The following KIAA1614 variants were observed in gnomAD, a reference collection of about 807,000 sequenced individuals.
The protein encoded by KIAA1614 is KIAA1614.
A neutral mutation model predicts 88.7 loss-of-function variants in KIAA1614; 76 were observed. The observed-to-expected ratio is 0.86, with a 90% CI of 0.71 to 1.04. The LOEUF (loss-of-function observed/expected upper bound fraction) is 1.04. KIAA1614 is among the 50% of genes least tolerant of loss of function. KIAA1614 has a pLI of 0.00. For synonymous variants in KIAA1614, 714 were observed against 675.5 expected, an observed-to-expected ratio of 1.06 and a Z score of -0.88; for missense variants, 1,553 against 1,582.5, an observed-to-expected ratio of 0.98 and a Z score of 0.32.
Position 180,950,563 on chromosome 1 carries a change from G to A in KIAA1614, c.*4975G>A, listed in dbSNP as rs1047237466. On this transcript the variant is annotated 3_prime_UTR_variant, in exon 9 of 9. Coordinates refer to ENST00000367588, the MANE Select transcript of KIAA1614 (RefSeq NM_020950.2). ...GAAGTGCCGCTGCCCTCACTGTCAC[G>A]GCCTCGGAAGCCCTGAAGCACTCAG... 12 of 1,076,244 alleles carry A rather than the reference G, an allele frequency of 1.1e-5. No individual in the cohort carries two copies. Among genetic ancestry groups the A allele is most frequent in the African/African-American group, 1.0e-4 (6 of 58,222 alleles). The allele number at this position is 1,076,244 out of a possible 1,614,324, so 66.7% of individuals were successfully genotyped here.
intron 4 of KIAA1614, among the ~76,000 whole-genome samples, chr1:180,933,993 G>T (rs545095203): frequency 6.6e-6 from 1 of 152,222 alleles, no homozygotes; most frequent in Non-Finnish European, 1.5e-5. Context: ...GGTGGCTCAC[G>T]CCTGTAATCC....
intron 2 of KIAA1614, among the ~76,000 whole-genome samples, chr1:180,917,538 A>G (rs1653847037): frequency 6.6e-6 from 1 of 152,036 alleles, no homozygotes; most frequent in South Asian, 2.1e-4. Flanking sequence ...CTCAGACGGT[A>G]GCACCAATGG....
chr1:180,944,555 G>C (rs748826416), intron 8 of KIAA1614, 39 bp downstream of exon 8: 2 of 1,602,506 alleles, frequency 1.2e-6, no homozygotes, highest in South Asian at 1.1e-5. Flanking sequence ...TAAACTCAGA[G>C]AGTGACCAGC....
chr1:180,936,422 A>G lies in KIAA1614; in HGVS notation c.2513A>G (p.Glu838Gly). 1 of 1,614,146 alleles carries G rather than the reference A, an allele frequency of 6.2e-7. No homozygotes were observed. The highest frequency in any genetic ancestry group is 8.5e-7 in the Non-Finnish European group (1 of 1,180,024). ...CTGCTCAGGCTGGGTGACCAGACAG[A>G]GCCTGTGGGTATCCCTCGGCCTCCT... ...AGLLRLGDQT[E>G]PVGIPRPPSR... The change falls in exon 5 of 9, where the codon GAG (glutamate) becomes GGG (glycine). Residue 838 changes from glutamate (E) to glycine (G), a missense_variant. By Grantham distance (98) the Glu-to-Gly change is moderately conservative (BLOSUM62 -2). Coordinates refer to ENST00000367588, the MANE Select transcript of KIAA1614 (RefSeq NM_020950.2).
rs552676125 is a variant in KIAA1614 at position 180,948,130 on chromosome 1, C to T, written c.*2542C>T. ...CCGTTGTGCCCAGGCACTCCCTGGT[C>T]CTGCTGCCATCATGGGCGCTGGATG... On this transcript the variant is annotated 3_prime_UTR_variant, in exon 9 of 9. Coordinates refer to ENST00000367588, the MANE Select transcript of KIAA1614 (RefSeq NM_020950.2). 6.6e-6 allele frequency: 1 copy of T among 152,392 alleles called. No individual in the cohort carries two copies. The highest frequency in any genetic ancestry group is 2.1e-4 in the South Asian group (1 of 4,828). 9.4% of individuals were successfully genotyped at this position (152,392 alleles called of 1,614,324 possible).
intron 5 of KIAA1614, among the ~76,000 whole-genome samples, chr1:180,937,753 T>C (rs1399760547): frequency 6.6e-6 from 1 of 152,160 alleles, no homozygotes; most frequent in Admixed American, 6.5e-5. Flanking sequence ...TCTTCCTCCC[T>C]TGCTTACACA....
At chr1:180,934,538 C>T (rs886138603) in intron 4 of KIAA1614, among the ~76,000 whole-genome samples, 6 of 151,338 alleles carry the variant, frequency 4.0e-5, no homozygotes, top group South Asian at 4.2e-4. Context: ...TGTAGTGAAC[C>T]GAGATCATGT....
rs1194382606 is a variant in KIAA1614, at chr1:180,916,499, G to A, written c.396G>A (p.Gly132=). 23 of 1,614,102 alleles carry A rather than the reference G, an allele frequency of 1.4e-5. No individual in the cohort carries two copies. Among genetic ancestry groups the A allele is most frequent in the East Asian group, 4.5e-5 (2 of 44,880 alleles). The change falls in exon 2 of 9, where the codon GGG becomes GGA. Residue 132 remains glycine, a synonymous_variant. Transcript: ENST00000367588. The part of the protein sequence containing the change: ...KAGRAGTPSE[G]SFLPGAVVAP... ...GGAGAGCCGGGACTCCATCAGAGGG[G>A]TCTTTCCTGCCAGGTGCTGTGGTGG...
chr1:180,938,631 A>C lies in KIAA1614; in HGVS notation c.2838A>C (p.Ser946=), dbSNP rs774545621. The C allele has an allele frequency of 6.2e-7, 1 of 1,614,176 alleles. No individual in the cohort carries two copies. The highest frequency in any genetic ancestry group is 8.5e-7 in the Non-Finnish European group (1 of 1,180,008). Residue 946 remains serine (S), a synonymous_variant, in exon 6 of 9, where the codon TCA becomes TCC. Transcript: ENST00000367588. ...NSTGITLSLS[S]EESESSKESE... ...CGGGCATCACCCTCTCCCTGTCCTC[A>C]GAGGAGTCAGAGTCCAGCAAGGAAT... is the stretch of plus-strand genomic sequence containing the variant.
intron 7 of KIAA1614, among the ~76,000 whole-genome samples, chr1:180,942,207 C>T (rs1429267947): frequency 6.6e-6 from 1 of 152,226 alleles, no homozygotes; most frequent in East Asian, 1.9e-4. Flanking sequence ...TCTTTGTATT[C>T]CGGTACTTAC....
intron 3 of KIAA1614, among the ~76,000 whole-genome samples, chr1:180,921,854 A>G (rs1653959463): frequency 6.6e-6 from 1 of 152,184 alleles, no homozygotes; most frequent in Non-Finnish European, 1.5e-5. Flanking sequence ...ACATTGAAAT[A>G]GGGGGCCGCG....
chr1:180,919,993 T>TA (rs1449625763), intron 3 of KIAA1614, among the ~76,000 whole-genome samples: 1 of 152,184 alleles, frequency 6.6e-6, no homozygotes, highest in African/African-American at 2.4e-5. Context: ...AATGTCCCCT[T>TA]AGAGTGCCTG....
chr1:180,941,133 A>C lies in KIAA1614; in HGVS notation c.3007A>C (p.Thr1003Pro), dbSNP rs1479319972. Reference sequence around the variant, plus strand: ...GAAAAGGAGCAGCAGCATAGCCTCCACCCTGGGGCTGAAAAAGCTCTTCTC... The same window carrying C: ...GAAAAGGAGCAGCAGCATAGCCTCCCCCCTGGGGCTGAAAAAGCTCTTCTC... ...NKKRSSSIAS[T>P]LGLKKLFSAL... Residue 1003 changes from threonine (T) to proline (P), a missense_variant, in exon 7 of 9, where the codon ACC becomes CCC. Thr to Pro is a conservative substitution (Grantham distance 38, BLOSUM62 -1). Transcript: ENST00000367588. 6.2e-7 allele frequency: 1 copy of C among 1,612,708 alleles called. No individual in the cohort carries two copies. The highest frequency in any genetic ancestry group is 1.7e-5 in the Admixed American group (1 of 59,854).
chr1:180,923,743 G>C (rs144721432), intron 3 of KIAA1614, among the ~76,000 whole-genome samples: 1 of 152,180 alleles, frequency 6.6e-6, no homozygotes, highest in Non-Finnish European at 1.5e-5. Context: ...GGCATGGGGA[G>C]TCCCGGCTGA....
chr1:180,944,891 A>G, intron 8 of KIAA1614: 1 of 261,260 alleles, frequency 3.8e-6, no homozygotes, highest in Non-Finnish European at 7.2e-6. Context: ...CCCGTGACCC[A>G]TGACCTGCTT....
In KIAA1614 at chr1:180,916,667, A is replaced by G; in HGVS notation, c.564A>G (p.Pro188=). The G allele has an allele frequency of 6.2e-7, 1 of 1,602,200 alleles. No homozygotes were observed. Among genetic ancestry groups the G allele is most frequent in the East Asian group, 2.2e-5 (1 of 44,690 alleles). Reference sequence around the variant, plus strand: ...GCAACAGGGGGAGCCCGTGGCCTCCAGAAGCCGAATGGACACTTCCTGACC... The same window carrying G: ...GCAACAGGGGGAGCCCGTGGCCTCCGGAAGCCGAATGGACACTTCCTGACC... The part of the protein sequence containing the change: ...EYCNRGSPWP[P]EAEWTLPDHD... Residue 188 remains proline, a synonymous_variant, in exon 2 of 9, where the codon CCA becomes CCG. Coordinates refer to ENST00000367588, the MANE Select transcript of KIAA1614 (RefSeq NM_020950.2).
rs971531752 is a variant in KIAA1614 at position 180,941,000 on chromosome 1, C to G, written c.2919-45C>G. ...CCAGGGTACAGTCTCCCTGGCCACCCTCCCGGCCCTCCCCCGCCCCCTCAC... is the reference window on the plus strand; with the variant it reads ...CCAGGGTACAGTCTCCCTGGCCACCGTCCCGGCCCTCCCCCGCCCCCTCAC... On this transcript the variant is annotated intron_variant, in intron 6 of 8. Coordinates refer to ENST00000367588, the MANE Select transcript of KIAA1614 (RefSeq NM_020950.2). 1.4e-5 allele frequency: 14 copies of G among 1,010,124 alleles called. No individual in the cohort carries two copies. In the Admixed American group the frequency reaches 2.5e-4, roughly 18 times the overall value. 62.6% of individuals were successfully genotyped at this position (1,010,124 alleles called of 1,614,324 possible). A position where few individuals can be genotyped will look rare whatever the true frequency, so the allele number is the denominator to read the frequency against.
At chr1:180,943,873 T>G (rs892165150) in intron 7 of KIAA1614, among the ~76,000 whole-genome samples, 2 of 152,150 alleles carry the variant, frequency 1.3e-5, no homozygotes, top group Non-Finnish European at 2.9e-5. Context: ...TAATGTGCAC[T>G]GAAACCTTTT....
chr1:180,938,982 C>G (rs751091181), intron 6 of KIAA1614, among the ~76,000 whole-genome samples: 5 of 152,204 alleles, frequency 3.3e-5, no homozygotes, highest in Non-Finnish European at 7.3e-5. Context: ...CTAGCAGAGC[C>G]CTAGCCCTGG....
Sources: gnomAD v4.1 joint callset for allele counts (sites outside exome capture counted in the v4.1 genomes callset) on GRCh38, gnomAD v4.1.1 for gene constraint, MANE v1.5 for transcripts, NCBI Gene and HGNC (gene_info 2026-07-23, HGNC 2026-07-21) for gene names.